Variants in ITFG1 observed in about 807,000 individuals in gnomAD.
ITFG1 encodes T-cell immunomodulatory protein.
A neutral mutation model predicts 81.8 loss-of-function variants in ITFG1; 34 were observed. The observed-to-expected ratio is 0.42, with a 90% CI of 0.32 to 0.55. The LOEUF (loss-of-function observed/expected upper bound fraction) is 0.55. Ranked by LOEUF, ITFG1 falls within the 20% of genes least tolerant of loss-of-function variation. ITFG1 has a pLI of 0.17. For synonymous variants in ITFG1, 285 were observed against 270.6 expected (o/e 1.05, Z -0.52); for missense variants, 672 against 755.4 (o/e 0.89, Z 1.29).
At chr16:47,340,819 G>A (rs1229658653) in intron 8 of ITFG1, among the ~76,000 whole-genome samples, 10 of 152,044 alleles carry the variant, frequency 6.6e-5, no homozygotes, top group Non-Finnish European at 1.3e-4. Context: ...GTGAAAGAAT[G>A]GGCAACAATG....
At chr16:47,402,336 G>C (rs571267151) in intron 6 of ITFG1, among the ~76,000 whole-genome samples, 1 of 152,304 alleles carries the variant, frequency 6.6e-6, no homozygotes, top group South Asian at 2.1e-4. Flanking sequence ...GTGTAACTAT[G>C]TGTGTACAGG....
intron 14 of ITFG1, 129 bp from the exon 15 acceptor site, chr16:47,162,793 G>A (rs1214940885): frequency 1.3e-6 from 1 of 764,744 alleles, no homozygotes; most frequent in African/African-American, 1.8e-5. Flanking sequence ...TGAAATGAAA[G>A]ATACAGGTCA....
chr16:47,371,736 A>C (rs1968256455), intron 7 of ITFG1, among the ~76,000 whole-genome samples: 1 of 152,202 alleles, frequency 6.6e-6, no homozygotes, highest in South Asian at 2.1e-4. Flanking sequence ...TTTGATTGTC[A>C]CAAGTGGGAG....
At chr16:47,181,493 G>C (rs1965119156) in intron 14 of ITFG1, among the ~76,000 whole-genome samples, 1 of 143,748 alleles carries the variant, frequency 7.0e-6, no homozygotes, top group Admixed American at 6.8e-5. Context: ...CCCCGTCCGG[G>C]AGGGAGGTGG....
intron 8 of ITFG1, among the ~76,000 whole-genome samples, chr16:47,365,114 C>T (rs537198131): frequency 7.2e-5 from 11 of 152,266 alleles, no homozygotes; most frequent in Admixed American, 5.2e-4. Flanking sequence ...GGTATCTGAA[C>T]ATGGTGATGT....
At chr16:47,392,336 T>C (rs747018915) in intron 6 of ITFG1, among the ~76,000 whole-genome samples, 2 of 152,108 alleles carry the variant, frequency 1.3e-5, no homozygotes, top group East Asian at 1.9e-4. Context: ...CCTGTGGATA[T>C]CTGGGGGAAG....
At chr16:47,223,323 C>A (rs139675595) in intron 13 of ITFG1, among the ~76,000 whole-genome samples, 1 of 152,160 alleles carries the variant, frequency 6.6e-6, no homozygotes, top group African/African-American at 2.4e-5. Flanking sequence ...AGTAAATCTT[C>A]GCAACCTACT....
In ITFG1 at chr16:47,313,680, T is replaced by G. The variant is rs559358028; in HGVS notation, c.897+49A>C. The G allele has an allele frequency of 1.1e-5, 11 of 1,018,128 alleles. No homozygotes were observed. In the East Asian group the frequency reaches 2.3e-4, roughly 21 times the overall value. 63.1% of individuals were successfully genotyped at this position (1,018,128 alleles called of 1,614,324 possible). ...TCTTTTCTAACCTTAGAAGATTTTTTTCCAAGCACATAAAAAAAAATGTTT... is the reference window on the plus strand; with the variant it reads ...TCTTTTCTAACCTTAGAAGATTTTTGTCCAAGCACATAAAAAAAAATGTTT... On this transcript the variant is annotated intron_variant, in intron 9 of 17. Coordinates refer to ENST00000320640, the MANE Select transcript of ITFG1 (RefSeq NM_030790.5).
intron 8 of ITFG1, among the ~76,000 whole-genome samples, chr16:47,349,130 T>C (rs574872913): frequency 8.1e-4 from 123 of 152,152 alleles, no homozygotes; most frequent in African/African-American, 2.8e-3. Flanking sequence ...AGACCACTGA[T>C]GCTAGGAAGA....
chr16:47,292,774 A>G (rs1490055281), intron 10 of ITFG1, among the ~76,000 whole-genome samples: 1 of 151,996 alleles, frequency 6.6e-6, no homozygotes, highest in Non-Finnish European at 1.5e-5. Flanking sequence ...AATGGCCTCC[A>G]ATTCCATCCT....
chr16:47,357,577 C>T (rs1490417557), intron 8 of ITFG1, among the ~76,000 whole-genome samples: 2 of 145,668 alleles, frequency 1.4e-5, no homozygotes, highest in Admixed American at 7.0e-5. Context: ...ATCATGCCAC[C>T]GCACTCCAGC....
At position 47,445,526 on chromosome 16, in the gene ITFG1, C is replaced by T. The variant is rs1424939084; in HGVS notation, c.560+5870G>A. On this transcript the variant is annotated intron_variant, in intron 5 of 17. Transcript: ENST00000320640. ...CTTTACTTATGATAAAGTAAACAAA[C>T]ACAGGCTAGCACATTGTGTTTTCAA... Among the ~76,000 whole-genome samples, 4 of 152,254 alleles carry T rather than the reference C, an allele frequency of 2.6e-5. No homozygotes were observed. In the East Asian group the frequency reaches 7.7e-4, roughly 29 times the overall value.
rs552982345 is a variant in ITFG1, at chr16:47,434,335, T to C, written c.561-5437A>G. Among the ~76,000 whole-genome samples the C allele has an allele frequency of 8.7e-5, 13 of 149,846 alleles. No individual in the cohort carries two copies. The East Asian group carries it at 1.8e-3, about 20-fold the overall frequency. On this transcript the variant is annotated intron_variant, in intron 5 of 17. Transcript: ENST00000320640. ...TGACAAAGTTCTAATATCCAGTCTA[T>C]AGAACTTAAACAAATTTACAAGAAA...
At chr16:47,272,589 T>C (rs1243519043) in intron 10 of ITFG1, among the ~76,000 whole-genome samples, 1 of 152,080 alleles carries the variant, frequency 6.6e-6, no homozygotes, top group Non-Finnish European at 1.5e-5. Flanking sequence ...AGAGATGGGG[T>C]TTCACCATGT....
intron 10 of ITFG1, among the ~76,000 whole-genome samples, chr16:47,276,845 T>A (rs1355811420): frequency 2.6e-5 from 4 of 152,258 alleles, no homozygotes; most frequent in Non-Finnish European, 1.5e-5. Context: ...GTTCTTTTGA[T>A]GCAATACACA....
rs758632507 is a variant in ITFG1, at chr16:47,168,545, GTTTTTTT to G, written c.1454-5888_1454-5882del. The stretch of plus-strand genomic sequence containing the variant: ...TGCCACTGCCTCTGGCTAATTAAAA[GTTTTTTT>G]TTTTTTTTTTTTTTTTCTAGAGACA... On this transcript the variant is annotated intron_variant, in intron 14 of 17. Coordinates refer to ENST00000320640, the MANE Select transcript of ITFG1 (RefSeq NM_030790.5). 2.2e-3 allele frequency among the ~76,000 whole-genome samples: 254 copies of G among 117,648 alleles called. 3 individuals are homozygous for G. Among genetic ancestry groups the G allele is most frequent in the East Asian group, 8.1e-3 (33 of 4,094 alleles). The allele number at this position is 117,648 out of a possible 152,430, so 77.2% of individuals were successfully genotyped here.
At position 47,259,486 on chromosome 16, in the gene ITFG1, CTGCT is replaced by C. The variant is rs763805862; in HGVS notation, c.1222-750_1222-747del. Among the ~76,000 whole-genome samples the C allele has an allele frequency of 1.4e-4, 21 of 152,054 alleles. No individual in the cohort carries two copies. In the Middle Eastern group the frequency reaches 0.01, roughly 74 times the overall value. ...TGTCAATTACTTTTATGGTTGGAAT[CTGCT>C]AATGAAAAGTGAAATAACACAAGAT... On this transcript the variant is annotated intron_variant, in intron 11 of 17. Transcript: ENST00000320640.
intron 10 of ITFG1, among the ~76,000 whole-genome samples, chr16:47,284,099 T>C (rs556232900): frequency 6.6e-6 from 1 of 152,266 alleles, no homozygotes; most frequent in South Asian, 2.1e-4. Flanking sequence ...TGGGAGGTGA[T>C]GGCTTAGAAG....
At chr16:47,438,117 C>T (rs1969193291) in intron 5 of ITFG1, among the ~76,000 whole-genome samples, 1 of 152,170 alleles carries the variant, frequency 6.6e-6, no homozygotes, top group Admixed American at 6.5e-5. Flanking sequence ...AACGGTAAGG[C>T]CACAGCGAGG....
Sources: allele counts gnomAD v4.1 joint callset (sites outside exome capture counted in the v4.1 genomes callset), GRCh38; gene constraint gnomAD v4.1.1; transcripts MANE v1.5; gene names NCBI Gene and HGNC (gene_info 2026-07-23, HGNC 2026-07-21).